Variants in MAN2A1 observed in about 807,000 individuals in gnomAD.
MAN2A1 encodes mannosidase alpha class 2A member 1.
In MAN2A1, 76 loss-of-function variants were observed where a neutral mutation model predicts 142.6. The ratio of observed to expected loss-of-function variants is 0.53; its 90% CI spans 0.44 to 0.65. MAN2A1 has a LOEUF of 0.65. MAN2A1 is among the 30% of genes least tolerant of loss of function. The pLI, the probability that MAN2A1 is intolerant of heterozygous loss-of-function variation, is 0.00. For missense variants in MAN2A1, 1,311 were observed against 1,365.1 expected (o/e 0.96, Z 0.62); for synonymous variants, 559 against 473.2 (o/e 1.18, Z -2.35).
At chr5:109,713,450 A>G in intron 1 of MAN2A1, 70 bp from the exon 2 acceptor site, 1 of 1,382,900 alleles carries the variant, frequency 7.2e-7, no homozygotes, top group Non-Finnish European at 9.6e-7. Flanking sequence ...AATTTAAAAA[A>G]AAAAATGTGT....
chr5:109,826,944 A>G (rs1754775274), intron 16 of MAN2A1, among the ~76,000 whole-genome samples: 1 of 152,244 alleles, frequency 6.6e-6, no homozygotes, highest in South Asian at 2.1e-4. Context: ...ACGTCAGCCA[A>G]CTTCCATGCT....
At chr5:109,864,019 G>A (rs773196728) in intron 20 of MAN2A1, 1 of 152,164 alleles carries the variant, frequency 6.6e-6, no homozygotes. Flanking sequence ...CAAATCAGTG[G>A]TGGAGATTCT....
intron 4 of MAN2A1, among the ~76,000 whole-genome samples, chr5:109,740,721 C>A (rs1340468245): frequency 8.0e-6 from 1 of 125,254 alleles, no homozygotes; most frequent in Non-Finnish European, 1.7e-5. Flanking sequence ...GACCGAATCT[C>A]TCAGAATCTT....
At chr5:109,842,256 G>T in intron 16 of MAN2A1, 72 bp from the exon 17 acceptor site, 1 of 972,902 alleles carries the variant, frequency 1.0e-6, no homozygotes, top group Non-Finnish European at 1.5e-6. Context: ...AAAGAGTTCT[G>T]TATAGTATAT....
chr5:109,868,538 A>G lies in MAN2A1; in HGVS notation c.*1540A>G, dbSNP rs3563. The G allele has an allele frequency of 1.3e-5, 2 of 152,184 alleles. No homozygotes were observed. Among genetic ancestry groups the G allele is most frequent in the Non-Finnish European group, 2.9e-5 (2 of 68,034 alleles). The allele number at this position is 152,184 out of a possible 1,614,324, so 9.4% of individuals were successfully genotyped here. A position where few individuals can be genotyped will look rare whatever the true frequency, so the allele number is the denominator to read the frequency against. On this transcript the variant is annotated 3_prime_UTR_variant, in exon 22 of 22. Transcript: ENST00000261483. The stretch of plus-strand genomic sequence containing the variant: ...CATTCCAACATCTTTATAGAGAAAT[A>G]AAAACCCAATTTCTCTTTCACCATT...
chr5:109,802,068 G>A (rs1231165340), intron 12 of MAN2A1, among the ~76,000 whole-genome samples: 2 of 152,112 alleles, frequency 1.3e-5, no homozygotes, highest in Non-Finnish European at 2.9e-5. Context: ...GTCTTGGGCA[G>A]CACTGTACTG....
rs564823005 is a variant in MAN2A1, at chr5:109,754,775, G to A, written c.708-554G>A. On this transcript the variant is annotated intron_variant, in intron 4 of 21. Transcript: ENST00000261483. ...CCAGCACTTTGGGAAGCTGAGGCGG[G>A]CAAATCACCTGAGGCTGGGGGTTCA... 2.0e-4 allele frequency among the ~76,000 whole-genome samples: 31 copies of A among 152,320 alleles called. No individual in the cohort carries two copies. The East Asian group carries it at 5.6e-3, about 28-fold the overall frequency.
intron 20 of MAN2A1, chr5:109,862,327 A>C (rs1755778162): frequency 6.6e-6 from 1 of 152,196 alleles, no homozygotes; most frequent in Non-Finnish European, 1.5e-5. Context: ...AGAGCCTCAG[A>C]GGCCCAGCTT....
chr5:109,713,541 G>GA lies in MAN2A1; in HGVS notation c.163dup (p.Ile55AsnfsTer10). On this transcript the variant is annotated frameshift_variant, in exon 2 of 22. Transcript: ENST00000261483. LOFTEE classifies it high-confidence loss of function. ...GTAGGGCCAGCTCTCAATGTTGCAA[G>GA]AAAAAATAGACCATTTGGAGCGTTT... is the stretch of plus-strand genomic sequence containing the variant. 6.2e-7 allele frequency: 1 copy of GA among 1,608,926 alleles called. No homozygotes were observed. The highest frequency in any genetic ancestry group is 1.7e-4 in the Middle Eastern group (1 of 6,040).
chr5:109,706,245 G>A (rs1751127892), intron 1 of MAN2A1, among the ~76,000 whole-genome samples: 1 of 152,164 alleles, frequency 6.6e-6, no homozygotes, highest in African/African-American at 2.4e-5. Flanking sequence ...CCAGTAAGTA[G>A]TGGTGCCAGA....
intron 16 of MAN2A1, among the ~76,000 whole-genome samples, chr5:109,836,414 A>G (rs1346298074): frequency 6.6e-6 from 1 of 150,626 alleles, no homozygotes; most frequent in African/African-American, 2.4e-5. Flanking sequence ...CCGCACCGGC[A>G]TGCCCTCCAG....
chr5:109,825,900 CTTTTTTTTTTTTTTT>C (rs869069525), intron 16 of MAN2A1, among the ~76,000 whole-genome samples: 1 of 92,184 alleles, frequency 1.1e-5, no homozygotes, highest in African/African-American at 4.0e-5. Flanking sequence ...TCTTTCCTTC[CTTTTTTTTTTTTTTT>C]TTTTTTTTTT....
At chr5:109,768,892 A>C (rs1203342548) in intron 6 of MAN2A1, among the ~76,000 whole-genome samples, 3 of 152,194 alleles carry the variant, frequency 2.0e-5, no homozygotes, top group Non-Finnish European at 4.4e-5. Flanking sequence ...CATAAATATC[A>C]GTTAGTATGA....
rs182705121 is a variant in MAN2A1, at chr5:109,846,022, A to C, written c.2842+16A>C. The stretch of plus-strand genomic sequence containing the variant: ...TTGAATAGTGGTATGTATTGCTTAC[A>C]CTCTTTTCCACTCTGAAAGGTTTCA... On this transcript the variant is annotated intron_variant, in intron 18 of 21. Transcript: ENST00000261483. The C allele has an allele frequency of 6.3e-5, 100 of 1,579,008 alleles. No individual in the cohort carries two copies. In the African/African-American group the frequency reaches 1.3e-3, roughly 20 times the overall value.
intron 21 of MAN2A1, among the ~76,000 whole-genome samples, chr5:109,866,428 GT>G (rs1755885357): frequency 6.6e-6 from 1 of 152,142 alleles, no homozygotes; most frequent in African/African-American, 2.4e-5. Context: ...GACTACCATT[GT>G]TAGGGGTAAG....
rs577174473 is a variant in MAN2A1 at position 109,787,262 on chromosome 5, C to T, written c.1761-1672C>T. 5.3e-5 allele frequency among the ~76,000 whole-genome samples: 8 copies of T among 151,972 alleles called. No individual in the cohort carries two copies. In the East Asian group the frequency reaches 9.7e-4, roughly 18 times the overall value. On this transcript the variant is annotated intron_variant, in intron 10 of 21. Coordinates refer to ENST00000261483, the MANE Select transcript of MAN2A1 (RefSeq NM_002372.4). ...GGGAGAAAACGGAACACAGGGTGAG[C>T]GTGAGGGTCCTAAAATGTAGACAAA... is the stretch of plus-strand genomic sequence containing the variant.
intron 12 of MAN2A1, among the ~76,000 whole-genome samples, chr5:109,798,138 T>A (rs899509189): frequency 1.3e-5 from 2 of 152,222 alleles, no homozygotes; most frequent in Non-Finnish European, 2.9e-5. Flanking sequence ...AAGGTAGAAG[T>A]GTCCATTTAG....
intron 19 of MAN2A1, among the ~76,000 whole-genome samples, chr5:109,851,800 T>A (rs1219063723): frequency 6.6e-6 from 1 of 152,134 alleles, no homozygotes; most frequent in Non-Finnish European, 1.5e-5. Context: ...TGTTCAAGTG[T>A]TAAAATTGTG....
intron 16 of MAN2A1, among the ~76,000 whole-genome samples, chr5:109,828,336 G>T (rs1310835973): frequency 6.6e-6 from 1 of 152,050 alleles, no homozygotes; most frequent in Non-Finnish European, 1.5e-5. Flanking sequence ...TACCATATAG[G>T]CTGCTACTTT....
Sources: allele counts gnomAD v4.1 joint callset (sites outside exome capture counted in the v4.1 genomes callset), GRCh38; gene constraint gnomAD v4.1.1; transcripts MANE v1.5; gene names NCBI Gene and HGNC (gene_info 2026-07-23, HGNC 2026-07-21).